The following DOK5 variants were observed in gnomAD, a reference collection of about 807,000 sequenced individuals.
DOK5 encodes the protein downstream of tyrosine kinase 5.
DOK5 carries 27 observed loss-of-function variants against 43.3 expected under a neutral mutation model. That is an observed-to-expected ratio of 0.62 (90% confidence interval 0.46 to 0.86). DOK5 has a LOEUF of 0.86. Ranked by LOEUF, DOK5 falls within the 40% of genes least tolerant of loss-of-function variation. The probability of loss-of-function intolerance (pLI) is 0.00; values close to 1 mark genes in which losing one functional copy is unlikely to be tolerated. For synonymous variants in DOK5, 146 were observed against 140.1 expected (o/e 1.04, Z -0.30); for missense variants, 373 against 392.9 (o/e 0.95, Z 0.43).
chr20:54,603,795 A>G (rs1162660713), intron 5 of DOK5, among the ~76,000 whole-genome samples: 2 of 151,912 alleles, frequency 1.3e-5, no homozygotes, highest in Admixed American at 1.3e-4. Context: ...ATTCCTCACA[A>G]TGAAACTCCT....
At chr20:54,545,977 C>T (rs1054468424) in intron 1 of DOK5, among the ~76,000 whole-genome samples, 6 of 152,288 alleles carry the variant, frequency 3.9e-5, no homozygotes, top group African/African-American at 1.4e-4. Flanking sequence ...ACAGATGGAT[C>T]GACCATCAGC....
At chr20:54,643,334 T>A in intron 6 of DOK5, 124 bp from the exon 7 acceptor site, 1 of 1,309,302 alleles carries the variant, frequency 7.6e-7, no homozygotes, top group Non-Finnish European at 1.1e-6. Flanking sequence ...CTTCAATCGA[T>A]GTTCATTGAT....
intron 2 of DOK5, among the ~76,000 whole-genome samples, chr20:54,573,584 G>A (rs1261009830): frequency 6.6e-6 from 1 of 151,344 alleles, no homozygotes; most frequent in African/African-American, 2.4e-5. Context: ...CTACTTGGGA[G>A]GCTGAGGCAG....
intron 5 of DOK5, among the ~76,000 whole-genome samples, chr20:54,601,421 G>GTGATCTTCC (rs1270386324): frequency 1.3e-5 from 2 of 152,170 alleles, no homozygotes; most frequent in African/African-American, 4.8e-5. Context: ...ATGGAAAAAA[G>GTGATCTTCC]TGATCTTCCT....
Position 54,588,799 on chromosome 20 carries a change from A to G in DOK5, c.402A>G (p.Glu134=), listed in dbSNP as rs201026396. 6.2e-7 allele frequency: 1 copy of G among 1,613,890 alleles called. No homozygotes were observed. The highest frequency in any genetic ancestry group is 8.5e-7 in the Non-Finnish European group (1 of 1,179,842). Residue 134 remains glutamate (E), a synonymous_variant, in exon 4 of 8, where the codon GAA becomes GAG. Transcript: ENST00000262593. ...PDLLATGVER[E]QSERFNVYLM... ...TACTGGCCACTGGGGTTGAGAGAGA[A>G]CAGAGTGGTATGTAAAGAAAATTCT...
chr20:54,628,272 G>C (rs993816759), intron 6 of DOK5, among the ~76,000 whole-genome samples: 2 of 151,638 alleles, frequency 1.3e-5, no homozygotes, highest in Non-Finnish European at 2.9e-5. Flanking sequence ...AGCCCGGCGT[G>C]GTGGCGGGCG....
At chr20:54,485,410 G>A (rs1289894872) in intron 1 of DOK5, among the ~76,000 whole-genome samples, 1 of 152,064 alleles carries the variant, frequency 6.6e-6, no homozygotes, top group Admixed American at 6.6e-5. Flanking sequence ...GTAATGTTTG[G>A]GGATTGGCTT....
chr20:54,568,552 T>C (rs1042469624), intron 2 of DOK5, among the ~76,000 whole-genome samples: 1 of 152,196 alleles, frequency 6.6e-6, no homozygotes, highest in African/African-American at 2.4e-5. Flanking sequence ...TACTAATCGG[T>C]TTACATTTTT....
intron 1 of DOK5, among the ~76,000 whole-genome samples, chr20:54,476,433 A>T (rs1981429722): frequency 1.3e-5 from 2 of 151,942 alleles, no homozygotes. Flanking sequence ...GGACACGCAT[A>T]CTCGGTGTGA....
At chr20:54,563,289 G>A (rs140473852) in intron 2 of DOK5, among the ~76,000 whole-genome samples, 38 of 152,210 alleles carry the variant, frequency 2.5e-4, no homozygotes, top group African/African-American at 8.7e-4. Context: ...TTCACCTCCC[G>A]AGGCTTAATC....
intron 2 of DOK5, among the ~76,000 whole-genome samples, chr20:54,573,140 G>C (rs542706155): frequency 6.6e-6 from 1 of 152,308 alleles, no homozygotes; most frequent in African/African-American, 2.4e-5. Context: ...AGGATAGGAA[G>C]TATGGAAGGA....
At chr20:54,488,829 A>T (rs1308520106) in intron 1 of DOK5, among the ~76,000 whole-genome samples, 1 of 125,222 alleles carries the variant, frequency 8.0e-6, no homozygotes, top group Non-Finnish European at 1.6e-5. Flanking sequence ...TTTTATTATT[A>T]AATATGTGCA....
intron 5 of DOK5, among the ~76,000 whole-genome samples, chr20:54,592,571 G>A (rs1383499154): frequency 6.8e-6 from 1 of 147,166 alleles, no homozygotes; most frequent in Non-Finnish European, 1.5e-5. Context: ...ATGGAGTCTC[G>A]CTCTGTCACC....
At chr20:54,478,494 T>C (rs1476821251) in intron 1 of DOK5, among the ~76,000 whole-genome samples, 1 of 152,228 alleles carries the variant, frequency 6.6e-6, no homozygotes. Context: ...TGCTGAACTA[T>C]ATAGTGCATG....
chr20:54,521,241 C>A (rs1450323553), intron 1 of DOK5, among the ~76,000 whole-genome samples: 2 of 151,958 alleles, frequency 1.3e-5, no homozygotes, highest in Admixed American at 6.6e-5. Flanking sequence ...TTTTCCATAC[C>A]AATTCTCCAA....
chr20:54,639,884 GA>G (rs1979022014), intron 6 of DOK5, among the ~76,000 whole-genome samples: 1 of 152,206 alleles, frequency 6.6e-6, no homozygotes, highest in Non-Finnish European at 1.5e-5. Flanking sequence ...AAATAAATGT[GA>G]GCTATACGTA....
chr20:54,561,855 C>G (rs955481511), intron 2 of DOK5, among the ~76,000 whole-genome samples: 5 of 152,284 alleles, frequency 3.3e-5, no homozygotes, highest in Non-Finnish European at 5.9e-5. Flanking sequence ...GGGGGTTTCT[C>G]CTTGTGGGTC....
At chr20:54,595,026 G>T (rs1392076647) in intron 5 of DOK5, among the ~76,000 whole-genome samples, 2 of 152,158 alleles carry the variant, frequency 1.3e-5, no homozygotes, top group Non-Finnish European at 2.9e-5. Context: ...GGGTGTGTGT[G>T]TATGTGATGT....
At chr20:54,619,155 C>T (rs191399200) in intron 6 of DOK5, among the ~76,000 whole-genome samples, 16 of 144,160 alleles carry the variant, frequency 1.1e-4, no homozygotes, top group Admixed American at 1.0e-3. Context: ...TATTATTTCT[C>T]GTCTACATTT....
Sources: gnomAD v4.1 joint callset for allele counts (sites outside exome capture counted in the v4.1 genomes callset) on GRCh38, gnomAD v4.1.1 for gene constraint, MANE v1.5 for transcripts, NCBI Gene and HGNC (gene_info 2026-07-23, HGNC 2026-07-21) for gene names.